PTAFR: variants seen among roughly 807,000 people sequenced by gnomAD.
PTAFR encodes platelet activating factor receptor, also known as platelet-activating factor receptor.
Under a neutral mutation model 14.7 loss-of-function variants are expected in PTAFR, and 8 were observed. The ratio of observed to expected loss-of-function variants is 0.54; its 90% confidence interval spans 0.32 to 0.98. The LOEUF is 0.98. Ranked by LOEUF, PTAFR falls within the 50% of genes least tolerant of loss-of-function variation. The probability of loss-of-function intolerance (pLI) is 0.04; values close to 1 mark genes in which losing one functional copy is unlikely to be tolerated. For synonymous variants in PTAFR, 156 were observed against 176.5 expected (o/e 0.88, Z 0.92); for missense variants, 337 against 451.2 (o/e 0.75, Z 2.29).
upstream of PTAFR, among the ~76,000 whole-genome samples, chr1:28,178,624 C>T (rs1025431421): frequency 6.6e-6 from 1 of 151,928 alleles, no homozygotes; most frequent in Non-Finnish European, 1.5e-5. Flanking sequence ...TCTGCCCCCT[C>T]CTCCACCTCC....
chr1:28,150,667 C>CTGCCTGGAAGCGGTTA lies in PTAFR; in HGVS notation c.339_354dup (p.Val119Ter). The CTGCCTGGAAGCGGTTA allele has an allele frequency of 6.2e-7, 1 of 1,614,130 alleles. No homozygotes were observed. Among genetic ancestry groups the CTGCCTGGAAGCGGTTA allele is most frequent in the African/African-American group, 1.3e-5 (1 of 75,008 alleles). ...TGAGCAGTCTTGATGGGCCGAGTTA[C>CTGCCTGGAAGCGGTTA]TGCCTGGAAGCGGTTATAAGTGATG... On this transcript the variant is annotated stop_gained and frameshift_variant, in exon 2 of 2. Coordinates refer to ENST00000373857, the MANE Select transcript of PTAFR (RefSeq NM_000952.5). LOFTEE classifies it high-confidence loss of function. The surrounding 1 kb of genome is among the most constrained non-coding windows in gnomAD (Gnocchi z 6.3).
intron 1 of PTAFR, among the ~76,000 whole-genome samples, chr1:28,189,058 G>A (rs1197145547): frequency 6.6e-6 from 1 of 152,224 alleles, no homozygotes; most frequent in Non-Finnish European, 1.5e-5. Flanking sequence ...TCATTACCCT[G>A]CCAAAAGACA....
chr1:28,155,451 C>T (rs1646253252), intron 1 of PTAFR, among the ~76,000 whole-genome samples: 2 of 152,066 alleles, frequency 1.3e-5, no homozygotes, highest in Admixed American at 6.6e-5. Context: ...CCTCATGATC[C>T]GCCACCTCGG....
At chr1:28,153,122 C>T (rs1424733577) in intron 1 of PTAFR, among the ~76,000 whole-genome samples, 1 of 151,914 alleles carries the variant, frequency 6.6e-6, no homozygotes, top group Non-Finnish European at 1.5e-5. Flanking sequence ...AGTGAGACTC[C>T]CGTCTCTAGT....
chr1:28,175,314 C>T (rs1321473889), intron 1 of PTAFR, among the ~76,000 whole-genome samples: 2 of 152,024 alleles, frequency 1.3e-5, no homozygotes, highest in Admixed American at 6.6e-5. Flanking sequence ...ATCGAAACCC[C>T]GGATGCCCAC....
intron 1 of PTAFR, among the ~76,000 whole-genome samples, chr1:28,160,535 C>G (rs922716049): frequency 6.6e-6 from 1 of 151,750 alleles, no homozygotes. Context: ...CATCTCTACA[C>G]CCATCCCCAC....
At chr1:28,168,752 T>C (rs1364687232) in intron 1 of PTAFR, among the ~76,000 whole-genome samples, 1 of 152,152 alleles carries the variant, frequency 6.6e-6, no homozygotes, top group Admixed American at 6.5e-5. Flanking sequence ...CACCACAACC[T>C]CCGCCTCCTG....
chr1:28,189,224 AAC>A (rs1646631030), intron 1 of PTAFR, among the ~76,000 whole-genome samples: 1 of 140,388 alleles, frequency 7.1e-6, no homozygotes, highest in African/African-American at 2.6e-5. Flanking sequence ...AAAAATATTA[AAC>A]ACAGAAATAA....
In PTAFR at chr1:28,147,558, C is replaced by A; in HGVS notation, c.*2435G>T. On this transcript the variant is annotated 3_prime_UTR_variant, in exon 2 of 2. Coordinates refer to ENST00000373857, the MANE Select transcript of PTAFR (RefSeq NM_000952.5). The stretch of plus-strand genomic sequence containing the variant: ...TTCTCTACCACATTCATGCAGGTGC[C>A]CATCCCCCGCAACACACACAGACAA... 1 of 152,460 alleles carries A rather than the reference C, an allele frequency of 6.6e-6. No individual in the cohort carries two copies. The highest frequency in any genetic ancestry group is 1.5e-5 in the Non-Finnish European group (1 of 68,210). 9.4% of individuals were successfully genotyped at this position (152,460 alleles called of 1,614,324 possible).
intron 1 of PTAFR, among the ~76,000 whole-genome samples, chr1:28,167,950 C>CTTT (rs33965504): frequency 7.9e-5 from 3 of 38,152 alleles, no homozygotes; most frequent in African/African-American, 2.3e-4. Flanking sequence ...AAAACCAGAT[C>CTTT]TTTTTTTTTT....
intron 1 of PTAFR, among the ~76,000 whole-genome samples, chr1:28,161,119 T>C (rs1358361147): frequency 3.9e-5 from 6 of 152,240 alleles, no homozygotes; most frequent in South Asian, 2.1e-4. Flanking sequence ...TCAGACCTCA[T>C]TTCCTCCAAG....
chr1:28,193,194 G>C (rs1008936336), intron 1 of PTAFR, among the ~76,000 whole-genome samples: 1 of 151,884 alleles, frequency 6.6e-6, no homozygotes, highest in Admixed American at 6.6e-5. Flanking sequence ...TGTGTGTGTA[G>C]GGAAGATATT....
chr1:28,157,311 G>T (rs1217610663), intron 1 of PTAFR, among the ~76,000 whole-genome samples: 2 of 151,816 alleles, frequency 1.3e-5, no homozygotes, highest in East Asian at 1.9e-4. Context: ...GCTAATTTTT[G>T]TATTTTTTGG....
intron 1 of PTAFR, among the ~76,000 whole-genome samples, chr1:28,188,568 G>A (rs939615728): frequency 3.9e-5 from 6 of 151,976 alleles, no homozygotes; most frequent in Non-Finnish European, 8.8e-5. Context: ...GTGAAACCCC[G>A]TCTCTACTAA....
intron 1 of PTAFR, among the ~76,000 whole-genome samples, chr1:28,151,324 C>T (rs1027526040): frequency 6.6e-6 from 1 of 152,210 alleles, no homozygotes; most frequent in Admixed American, 6.5e-5. Context: ...GGATTACAGG[C>T]ATGCACCACC....
intron 1 of PTAFR, among the ~76,000 whole-genome samples, chr1:28,185,090 C>T (rs1403750686): frequency 2.0e-5 from 3 of 152,222 alleles, no homozygotes. Flanking sequence ...CATTCCCAGG[C>T]TCTCATCCTG....
chr1:28,152,454 T>G (rs996845105), intron 1 of PTAFR, among the ~76,000 whole-genome samples: 1 of 151,836 alleles, frequency 6.6e-6, no homozygotes, highest in African/African-American at 2.4e-5. Context: ...ACACAAAAAA[T>G]CAGCTGGGTG....
intron 1 of PTAFR, among the ~76,000 whole-genome samples, chr1:28,151,520 G>T (rs1219348682): frequency 3.3e-5 from 5 of 152,048 alleles, no homozygotes; most frequent in Admixed American, 2.0e-4. Flanking sequence ...GTGGCCTGTG[G>T]AAGGTGATTA....
intron 1 of PTAFR, among the ~76,000 whole-genome samples, chr1:28,171,814 G>A (rs1205851355): frequency 6.6e-6 from 1 of 152,070 alleles, no homozygotes; most frequent in African/African-American, 2.4e-5. Context: ...CCTCTGCTCA[G>A]TTGGCCTAGG....
Sources: gnomAD v4.1 joint callset for allele counts (sites outside exome capture counted in the v4.1 genomes callset) on GRCh38, gnomAD v4.1.1 for gene constraint, Gnocchi (gnomAD v3.1) non-coding constraint, MANE v1.5 for transcripts, NCBI Gene and HGNC (gene_info 2026-07-23, HGNC 2026-07-21) for gene names.